TNFSF4: variants seen among roughly 807,000 people sequenced by gnomAD.
The protein encoded by TNFSF4 is tumor necrosis factor ligand superfamily member 4.
Under a neutral mutation model 7.3 loss-of-function variants are expected in TNFSF4, and 4 were observed. The observed-to-expected ratio is 0.55, with a 90% CI of 0.27 to 1.25. The LOEUF (loss-of-function observed/expected upper bound fraction) is 1.25. Ranked by LOEUF, TNFSF4 falls within the 50% of genes most tolerant of loss-of-function variation. The probability of loss-of-function intolerance (pLI) is 0.12; values close to 1 mark genes in which losing one functional copy is unlikely to be tolerated. For missense variants in TNFSF4, 181 were observed against 208.8 expected, an observed-to-expected ratio of 0.87 and a Z score of 0.82; for synonymous variants, 76 against 83.7, an observed-to-expected ratio of 0.91 and a Z score of 0.50.
chr1:173,349,174 G>A, the TNFSF4 span, among the ~76,000 whole-genome samples: 3 of 151,946 alleles, frequency 2.0e-5, no homozygotes, highest in South Asian at 2.1e-4. Flanking sequence ...GACTACAGGC[G>A]CCCGCTGCCA....
chr1:173,368,103 A>G, the TNFSF4 span, among the ~76,000 whole-genome samples: 1 of 152,204 alleles, frequency 6.6e-6, no homozygotes, highest in African/African-American at 2.4e-5. Flanking sequence ...GTAGCCAATC[A>G]CAGGGAGGAT....
chr1:173,443,390 T>C, the TNFSF4 span, among the ~76,000 whole-genome samples: 1 of 152,186 alleles, frequency 6.6e-6, no homozygotes, highest in Non-Finnish European at 1.5e-5. Context: ...CATACATGCA[T>C]ACAATGATTA....
At chr1:173,277,956 T>C in the TNFSF4 span, among the ~76,000 whole-genome samples, 1 of 152,120 alleles carries the variant, frequency 6.6e-6, no homozygotes, top group African/African-American at 2.4e-5. Flanking sequence ...AAGGGAAGAA[T>C]GACACCACGA....
At chr1:173,264,713 T>G in the TNFSF4 span, among the ~76,000 whole-genome samples, 3 of 152,350 alleles carry the variant, frequency 2.0e-5, no homozygotes, top group East Asian at 5.8e-4. Flanking sequence ...CAGCTTCTTC[T>G]GAATTATAAT....
At chr1:173,231,252 C>T in the TNFSF4 span, among the ~76,000 whole-genome samples, 1 of 152,228 alleles carries the variant, frequency 6.6e-6, no homozygotes, top group African/African-American at 2.4e-5. Flanking sequence ...CCACCATGAT[C>T]AAGTGGGCTT....
At chr1:173,227,117 T>G in the TNFSF4 span, among the ~76,000 whole-genome samples, 19 of 152,002 alleles carry the variant, frequency 1.2e-4, no homozygotes, top group East Asian at 5.8e-4. Context: ...CTTTTGTTTT[T>G]TTTTTTTTTC....
At chr1:173,291,258 T>A in the TNFSF4 span, among the ~76,000 whole-genome samples, 1 of 152,188 alleles carries the variant, frequency 6.6e-6, no homozygotes, top group African/African-American at 2.4e-5. Flanking sequence ...CCAGATCTCA[T>A]GAGCACTTAC....
chr1:173,296,096 A>G, the TNFSF4 span, among the ~76,000 whole-genome samples: 2 of 152,138 alleles, frequency 1.3e-5, no homozygotes, highest in African/African-American at 2.4e-5. Flanking sequence ...AAAAGATGTT[A>G]TGCAACCACA....
At chr1:173,209,542 T>C (rs548616131), upstream of TNFSF4, among the ~76,000 whole-genome samples, 5 of 152,328 alleles carry the variant, frequency 3.3e-5, no homozygotes, top group East Asian at 7.7e-4. Flanking sequence ...TCTCACTCTG[T>C]TGCCCAGGCT....
chr1:173,271,972 G>C, the TNFSF4 span, among the ~76,000 whole-genome samples: 1 of 152,170 alleles, frequency 6.6e-6, no homozygotes, highest in Non-Finnish European at 1.5e-5. Context: ...TGGTGGACTG[G>C]ATTAAGAAAA....
chr1:173,412,667 T>C, the TNFSF4 span, among the ~76,000 whole-genome samples: 6 of 152,156 alleles, frequency 3.9e-5, no homozygotes, highest in Non-Finnish European at 7.3e-5. Context: ...CCACCAAAGA[T>C]TACATATTAT....
chr1:173,177,092 C>G, the TNFSF4 span, among the ~76,000 whole-genome samples: 1 of 152,156 alleles, frequency 6.6e-6, no homozygotes, highest in Non-Finnish European at 1.5e-5. Context: ...ACCTATGTAA[C>G]AAACCCACAC....
At chr1:173,214,982 T>C in the TNFSF4 span, among the ~76,000 whole-genome samples, 1 of 152,164 alleles carries the variant, frequency 6.6e-6, no homozygotes, top group Non-Finnish European at 1.5e-5. Flanking sequence ...TGAATGTTTG[T>C]GTTCCTGCAA....
At chr1:173,437,380 GCTT>G in the TNFSF4 span, among the ~76,000 whole-genome samples, 1 of 151,942 alleles carries the variant, frequency 6.6e-6, no homozygotes, top group Admixed American at 6.6e-5. Flanking sequence ...GTTGTAAATA[GCTT>G]ATTATTAATT....
chr1:173,293,911 G>A, the TNFSF4 span, among the ~76,000 whole-genome samples: 2 of 152,086 alleles, frequency 1.3e-5, no homozygotes, highest in African/African-American at 4.8e-5. Flanking sequence ...AAACCACAAT[G>A]AGATACTGTC....
chr1:173,420,505 G>A, the TNFSF4 span, among the ~76,000 whole-genome samples: 4 of 152,108 alleles, frequency 2.6e-5, no homozygotes, highest in East Asian at 1.9e-4. Context: ...TAGGCACATT[G>A]CAGTTAAAGA....
the TNFSF4 span, among the ~76,000 whole-genome samples, chr1:173,238,076 CAGAAT>C: frequency 1.3e-5 from 2 of 152,110 alleles, no homozygotes; most frequent in African/African-American, 4.8e-5. Flanking sequence ...AACAATGGAA[CAGAAT>C]AGACAGCCCA....
the TNFSF4 span, among the ~76,000 whole-genome samples, chr1:173,243,227 C>T: frequency 1.3e-5 from 2 of 152,194 alleles, no homozygotes; most frequent in Admixed American, 1.3e-4. Flanking sequence ...TCTTCCACGT[C>T]CTACACATCA....
the TNFSF4 span, among the ~76,000 whole-genome samples, chr1:173,428,469 T>C: frequency 1.3e-5 from 2 of 152,174 alleles, no homozygotes; most frequent in Non-Finnish European, 2.9e-5. Context: ...GGGGAATCTA[T>C]GGAATAAAAG....
Sources: allele counts gnomAD v4.1 joint callset (sites outside exome capture counted in the v4.1 genomes callset), GRCh38; gene constraint gnomAD v4.1.1; transcripts MANE v1.5; gene names NCBI Gene and HGNC (gene_info 2026-07-23, HGNC 2026-07-21).